SEMA4B: variants seen among roughly 807,000 people sequenced by gnomAD.
SEMA4B encodes the protein semaphorin 4B.
Under a neutral mutation model 88.1 loss-of-function variants are expected in SEMA4B, and 55 were observed. The observed-to-expected ratio is 0.62, with a 90% CI of 0.50 to 0.78. The LOEUF (loss-of-function observed/expected upper bound fraction) is 0.78, where lower values mean the gene tolerates loss of function less well. Ranked by LOEUF, SEMA4B falls within the 30% of genes least tolerant of loss-of-function variation. The pLI is 0.00. For missense variants in SEMA4B, 1,062 were observed against 1,111.9 expected (o/e 0.96, Z 0.64); for synonymous variants, 525 against 473.6 (o/e 1.11, Z -1.41).
At chr15:90,225,437 G>A in intron 11 of SEMA4B, 40 bp downstream of exon 11, 2 of 1,523,784 alleles carry the variant, frequency 1.3e-6, no homozygotes, top group Non-Finnish European at 1.8e-6. Context: ...GGTACTTGGG[G>A]GGTGCCCTCC....
intron 4 of SEMA4B, among the ~76,000 whole-genome samples, 166 bp from the exon 5 acceptor site, chr15:90,220,816 C>T (rs935322161): frequency 6.6e-6 from 1 of 152,160 alleles, no homozygotes; most frequent in Non-Finnish European, 1.5e-5. Flanking sequence ...CCTTCGGCAC[C>T]GTGTCCTGGC....
intron 1 of SEMA4B, among the ~76,000 whole-genome samples, chr15:90,215,199 G>A (rs760369216): frequency 2.7e-5 from 4 of 148,300 alleles, no homozygotes; most frequent in Non-Finnish European, 5.9e-5. Context: ...ACAGTACCCT[G>A]GTGGGTAAGT....
chr15:90,194,401 G>A (rs1004439275), intron 1 of SEMA4B, among the ~76,000 whole-genome samples: 4 of 151,922 alleles, frequency 2.6e-5, no homozygotes, highest in East Asian at 3.9e-4. Flanking sequence ...GCGTGGTGGC[G>A]CATGTTTGTA....
chr15:90,189,103 A>G (rs995690206), intron 1 of SEMA4B, among the ~76,000 whole-genome samples: 1 of 152,112 alleles, frequency 6.6e-6, no homozygotes. Context: ...TATGTGTTGC[A>G]TGAATGAAAG....
chr15:90,223,419 T>G, intron 7 of SEMA4B, 140 bp from the exon 8 acceptor site: 1 of 652,186 alleles, frequency 1.5e-6, no homozygotes, highest in Non-Finnish European at 2.5e-6. Flanking sequence ...CTTCCTGACT[T>G]TAGATGGAAC....
chr15:90,188,646 A>AAAAT (rs1284277756), intron 1 of SEMA4B, among the ~76,000 whole-genome samples: 2 of 151,988 alleles, frequency 1.3e-5, no homozygotes, highest in Non-Finnish European at 2.9e-5. Flanking sequence ...TAAATAAATA[A>AAAAT]AAATAAATGT....
intron 1 of SEMA4B, among the ~76,000 whole-genome samples, chr15:90,195,678 C>G (rs574420287): frequency 1.9e-4 from 29 of 152,236 alleles, no homozygotes; most frequent in African/African-American, 6.5e-4. Context: ...GGCGTGATCT[C>G]AGCTCACTGC....
chr15:90,226,130 G>A (rs1962162417), intron 12 of SEMA4B, among the ~76,000 whole-genome samples: 1 of 152,104 alleles, frequency 6.6e-6, no homozygotes. Flanking sequence ...GTAGGGCTAG[G>A]AAACAGTCCA....
At chr15:90,209,914 A>G (rs1008831726) in intron 1 of SEMA4B, among the ~76,000 whole-genome samples, 6 of 152,168 alleles carry the variant, frequency 3.9e-5, no homozygotes, top group African/African-American at 1.2e-4. Flanking sequence ...CTAGCAAGTT[A>G]GGAGCTTGGA....
At chr15:90,206,161 C>T (rs1217224858) in intron 1 of SEMA4B, among the ~76,000 whole-genome samples, 1 of 152,210 alleles carries the variant, frequency 6.6e-6, no homozygotes, top group East Asian at 1.9e-4. Context: ...TGTCATCAAT[C>T]ACTCCTTCCT....
At chr15:90,227,498 G>T (rs1251396606) in intron 12 of SEMA4B, 59 bp from the exon 13 acceptor site, 1 of 1,528,206 alleles carries the variant, frequency 6.5e-7, no homozygotes, top group Non-Finnish European at 9.0e-7. Flanking sequence ...AGTGAGGGGT[G>T]AGGGAATGTG....
intron 1 of SEMA4B, among the ~76,000 whole-genome samples, chr15:90,203,529 G>A (rs1284790046): frequency 1.3e-5 from 2 of 152,202 alleles, no homozygotes; most frequent in Non-Finnish European, 2.9e-5. Context: ...GGCAAAACTG[G>A]AGAGCAGCGA....
chr15:90,187,129 A>G (rs1241370737), intron 1 of SEMA4B, among the ~76,000 whole-genome samples: 1 of 152,090 alleles, frequency 6.6e-6, no homozygotes, highest in East Asian at 1.9e-4. Flanking sequence ...GGATGGTCCA[A>G]AGTAAGTCCC....
chr15:90,220,726 C>T (rs927588315), intron 4 of SEMA4B, among the ~76,000 whole-genome samples: 2 of 128,154 alleles, frequency 1.6e-5, no homozygotes, highest in Admixed American at 1.6e-4. Context: ...GATAATGTGT[C>T]CCGCGTCGGG....
chr15:90,195,547 T>C (rs1435109872), intron 1 of SEMA4B, among the ~76,000 whole-genome samples: 1 of 152,202 alleles, frequency 6.6e-6, no homozygotes, highest in African/African-American at 2.4e-5. Flanking sequence ...TTTTCATTGT[T>C]AGATCTGGGT....
At position 90,227,699 on chromosome 15, in the gene SEMA4B, G is replaced by A. The variant is rs1480534220; in HGVS notation, c.1774+57G>A. ...AGGTGGGGACAAGTGTGCTTGGAAGGCTCCCCCAGGCACAGATGTTGTAAA... is the reference window on the plus strand; with the variant it reads ...AGGTGGGGACAAGTGTGCTTGGAAGACTCCCCCAGGCACAGATGTTGTAAA... On this transcript the variant is annotated intron_variant, in intron 13 of 13. Coordinates refer to ENST00000411539, the MANE Select transcript of SEMA4B (RefSeq NM_198925.4). The A allele has an allele frequency of 2.6e-6, 4 of 1,560,688 alleles. No homozygotes were observed. The Admixed American group carries it at 6.9e-5, about 27-fold the overall frequency.
rs1222748967 is a variant in SEMA4B at position 90,201,749 on chromosome 15, AC to A, written c.157+17del. On this transcript the variant is annotated intron_variant, in intron 1 of 13. Coordinates refer to ENST00000411539, the MANE Select transcript of SEMA4B (RefSeq NM_198925.4). ...GCCTGCCTCTGGGTGAGTGCCGGGG[AC>A]CCGGGGACGCGGGCCGGGGGAAGGA... is the stretch of plus-strand genomic sequence containing the variant. 7.2e-7 allele frequency: 1 copy of A among 1,390,586 alleles called. No individual in the cohort carries two copies. Among genetic ancestry groups the A allele is most frequent in the Admixed American group, 3.2e-5 (1 of 30,832 alleles). 86.1% of individuals were successfully genotyped at this position (1,390,586 alleles called of 1,614,324 possible). A position where few individuals can be genotyped will look rare whatever the true frequency, so the allele number is the denominator to read the frequency against.
Position 90,225,162 on chromosome 15 carries a change from C to G in SEMA4B, c.1389C>G (p.Val463=). 1 of 1,606,248 alleles carries G rather than the reference C, an allele frequency of 6.2e-7. No homozygotes were observed. Among genetic ancestry groups the G allele is most frequent in the Non-Finnish European group, 8.5e-7 (1 of 1,176,368 alleles). Residue 463 remains valine (V), a synonymous_variant, in exon 10 of 14, where the codon GTC becomes GTG. Transcript: ENST00000411539. ...CTGGCCTGCACCACACCTACGATGT[C>G]CTCTTCCTGGGCACTGGTAAGTGTC... ...RVPGLHHTYD[V]LFLGTGDGRL...
Position 90,228,834 on chromosome 15 carries a change from C to G in SEMA4B, c.*191C>G. 1.4e-6 allele frequency: 1 copy of G among 737,176 alleles called. No individual in the cohort carries two copies. Among genetic ancestry groups the G allele is most frequent in the Non-Finnish European group, 2.2e-6 (1 of 463,456 alleles). The allele number at this position is 737,176 out of a possible 1,614,324, so 45.7% of individuals were successfully genotyped here. A position where few individuals can be genotyped will look rare whatever the true frequency, so the allele number is the denominator to read the frequency against. On this transcript the variant is annotated 3_prime_UTR_variant, in exon 14 of 14. Coordinates refer to ENST00000411539, the MANE Select transcript of SEMA4B (RefSeq NM_198925.4). ...AGCTCCTACCACCCAGACACCCAAACAGCCGTGGCCCCAGAGGTCCTGGCC... is the reference window on the plus strand; with the variant it reads ...AGCTCCTACCACCCAGACACCCAAAGAGCCGTGGCCCCAGAGGTCCTGGCC...
Sources: gnomAD v4.1 joint callset for allele counts (sites outside exome capture counted in the v4.1 genomes callset) on GRCh38, gnomAD v4.1.1 for gene constraint, MANE v1.5 for transcripts, NCBI Gene and HGNC (gene_info 2026-07-23, HGNC 2026-07-21) for gene names.